The following PARP14 variants were observed in gnomAD, a reference collection of about 807,000 sequenced individuals.
PARP14 encodes the protein poly(ADP-ribose) polymerase family member 14.
In PARP14, 59 loss-of-function variants were observed where a neutral mutation model predicts 154.2. The observed-to-expected ratio is 0.38, with a 90% CI of 0.31 to 0.48. The LOEUF is 0.48. Ranked by LOEUF, PARP14 falls within the 20% of genes least tolerant of loss-of-function variation. The pLI is 0.98. For missense variants in PARP14, 1,734 were observed against 2,131.6 expected (o/e 0.81, Z 3.67); for synonymous variants, 720 against 780.5 (o/e 0.92, Z 1.29).
rs1938881420 is a variant in PARP14, at chr3:122,699,512, G to A, written c.958G>A (p.Ala320Thr). 1.2e-6 allele frequency: 2 copies of A among 1,613,846 alleles called. No individual in the cohort carries two copies. Among genetic ancestry groups the A allele is most frequent in the African/African-American group, 2.7e-5 (2 of 74,922 alleles). Reference sequence around the variant, plus strand: ...GGAGAAGCCTCTGATCAAGCTTCCAGCACCATTTGAAGAGTCACTAGATCT... The same window carrying A: ...GGAGAAGCCTCTGATCAAGCTTCCAACACCATTTGAAGAGTCACTAGATCT... ...GKEKPLIKLP[A>T]PFEESLDLPL... Residue 320 changes from alanine to threonine, a missense_variant, in exon 6 of 17, where the codon GCA becomes ACA. This residue lies in a region of PARP14 where 1,646 missense variants were observed against 1,976.0 expected (regional missense o/e 0.83). Transcript: ENST00000474629.
Position 122,700,333 on chromosome 3 carries a change from C to T in PARP14, c.1779C>T (p.Leu593=), listed in dbSNP as rs1441405890. 2.5e-6 allele frequency: 4 copies of T among 1,613,528 alleles called. No individual in the cohort carries two copies. Among genetic ancestry groups the T allele is most frequent in the East Asian group, 2.2e-5 (1 of 44,882 alleles). ...EALLEAEKQM[L]SALNYKRIEV... is the part of the protein sequence containing the mutation. Reference sequence around the variant, plus strand: ...TGTTAGAAGCAGAAAAGCAAATGCTCAGTGCCTTAAATTATAAGCGCATTG... The same window carrying T: ...TGTTAGAAGCAGAAAAGCAAATGCTTAGTGCCTTAAATTATAAGCGCATTG... Residue 593 remains leucine, a synonymous_variant, in exon 6 of 17, where the codon CTC becomes CTT. Transcript: ENST00000474629.
chr3:122,727,682 G>C lies in PARP14; in HGVS notation c.4942-130G>C, dbSNP rs1933321744. 1.2e-5 allele frequency: 6 copies of C among 511,030 alleles called. No homozygotes were observed. The South Asian group carries it at 2.5e-4, about 21-fold the overall frequency. The allele number at this position is 511,030 out of a possible 1,614,324, so 31.7% of individuals were successfully genotyped here. On this transcript the variant is annotated intron_variant, in intron 15 of 16. Transcript: ENST00000474629. ...CTAAAAAGGTTTCTGAATGCAGAAA[G>C]CTGCCGTCTGGCATTGGATTTGCTG...
Position 122,701,120 on chromosome 3 carries a change from G to A in PARP14, c.2566G>A (p.Glu856Lys). The stretch of plus-strand genomic sequence containing the variant: ...CGACTGTGACCAGATAGTGAAGAGA[G>A]AGGGCAGACTCCTACCGGGCAATGC... ...QADCDQIVKR[E>K]GRLLPGNATI... is the part of the protein sequence containing the mutation. Residue 856 changes from glutamate (E) to lysine (K), a missense_variant, in exon 6 of 17, where the codon GAG (glutamate) becomes AAG (lysine). Coordinates refer to ENST00000474629, the MANE Select transcript of PARP14 (RefSeq NM_017554.3). The surrounding 1 kb of genome is among the most constrained non-coding windows in gnomAD (Gnocchi z 4.0). 1 of 1,614,010 alleles carries A rather than the reference G, an allele frequency of 6.2e-7. No homozygotes were observed. The highest frequency in any genetic ancestry group is 1.6e-4 in the Middle Eastern group (1 of 6,062).
At chr3:122,697,234 G>T (rs986804475) in intron 5 of PARP14, among the ~76,000 whole-genome samples, 2 of 152,166 alleles carry the variant, frequency 1.3e-5, no homozygotes, top group Non-Finnish European at 2.9e-5. Flanking sequence ...GATTATAGGC[G>T]TGAGTCACTG....
Position 122,728,311 on chromosome 3 carries a change from T to C in PARP14, c.5120T>C (p.Val1707Ala). Residue 1707 changes from valine (V) to alanine (A), a missense_variant, in exon 17 of 17, where the codon GTG becomes GCG. By Grantham distance (64) the Val-to-Ala change is moderately conservative. This residue lies in a region of PARP14 where 88 missense variants were observed against 155.6 expected (regional missense o/e 0.57). Coordinates refer to ENST00000474629, the MANE Select transcript of PARP14 (RefSeq NM_017554.3). ...AAAATGGTTTTTCTTTTCACAGCTG[T>C]GGCATATGGAAAGGGAACCTATTTT... is the stretch of plus-strand genomic sequence containing the variant. ...FNRSYAGKNA[V>A]AYGKGTYFAV... 6.2e-7 allele frequency: 1 copy of C among 1,611,070 alleles called. No homozygotes were observed. The highest frequency in any genetic ancestry group is 8.5e-7 in the Non-Finnish European group (1 of 1,177,238).
chr3:122,689,014 T>C (rs1393261419), intron 3 of PARP14, among the ~76,000 whole-genome samples: 1 of 152,226 alleles, frequency 6.6e-6, no homozygotes, highest in East Asian at 1.9e-4. Context: ...ACTTGGAAGG[T>C]CCTGGAGAAG....
At chr3:122,724,795 C>CGGCCTT (rs1239972477) in intron 15 of PARP14, among the ~76,000 whole-genome samples, 2 of 152,086 alleles carry the variant, frequency 1.3e-5, no homozygotes, top group African/African-American at 4.8e-5. Context: ...GAGATCCCTG[C>CGGCCTT]GGCCTTCCGC....
At chr3:122,683,235 G>T in intron 1 of PARP14, 1 of 920,518 alleles carries the variant, frequency 1.1e-6, no homozygotes. Context: ...TACGCTTGAA[G>T]TCCCAGAAGT....
chr3:122,710,406 A>T (rs907069800), intron 9 of PARP14, among the ~76,000 whole-genome samples: 2 of 152,084 alleles, frequency 1.3e-5, no homozygotes, highest in African/African-American at 2.4e-5. Context: ...ATTCTGTTTC[A>T]TTGGTCTATG....
intron 15 of PARP14, chr3:122,721,135 A>G (rs1443622363): frequency 1.2e-5 from 4 of 326,782 alleles, no homozygotes; most frequent in Non-Finnish European, 2.4e-5. Context: ...TATTCACGCC[A>G]TTTATGCTTA....
chr3:122,707,313 G>A (rs866763082), intron 8 of PARP14, among the ~76,000 whole-genome samples: 48 of 151,304 alleles, frequency 3.2e-4, no homozygotes, highest in African/African-American at 8.8e-4. Flanking sequence ...CCTGGGAGGC[G>A]GAGTTTGCAA....
intron 3 of PARP14, among the ~76,000 whole-genome samples, chr3:122,687,799 T>C (rs1032475486): frequency 6.6e-6 from 1 of 152,236 alleles, no homozygotes; most frequent in Admixed American, 6.5e-5. Flanking sequence ...TGAACTACAC[T>C]GAATGAACCG....
intron 9 of PARP14, among the ~76,000 whole-genome samples, chr3:122,710,765 T>C (rs999732843): frequency 6.6e-6 from 1 of 151,786 alleles, no homozygotes; most frequent in Non-Finnish European, 1.5e-5. Flanking sequence ...ATCTTTCACC[T>C]CCTTGGTTAA....
At chr3:122,713,841 T>C in intron 10 of PARP14, 31 bp from the exon 11 acceptor site, 1 of 1,497,188 alleles carries the variant, frequency 6.7e-7, no homozygotes, top group Non-Finnish European at 9.3e-7. Context: ...TTTTTACTCA[T>C]GTTTGTTATC....
intron 12 of PARP14, among the ~76,000 whole-genome samples, chr3:122,715,457 G>A (rs533695857): frequency 9.2e-5 from 14 of 152,124 alleles, no homozygotes; most frequent in African/African-American, 2.6e-4. Flanking sequence ...ATAATGTTCC[G>A]AGATGGAATT....
chr3:122,696,767 G>T (rs1938791312), intron 5 of PARP14, among the ~76,000 whole-genome samples: 1 of 152,042 alleles, frequency 6.6e-6, no homozygotes, highest in African/African-American at 2.4e-5. Context: ...TTTATTTTCT[G>T]CCAGAGCTAT....
chr3:122,689,540 C>CCCAAATGACCCTCCCG (rs1293357979), intron 3 of PARP14, among the ~76,000 whole-genome samples: 15 of 152,276 alleles, frequency 9.9e-5, no homozygotes, highest in East Asian at 3.9e-4. Context: ...AACTCCTGGC[C>CCCAAATGACCCTCCCG]CCAAATGACC....
intron 9 of PARP14, among the ~76,000 whole-genome samples, chr3:122,711,452 G>A (rs1360650169): frequency 6.6e-6 from 1 of 152,146 alleles, no homozygotes; most frequent in Non-Finnish European, 1.5e-5. Flanking sequence ...TGTTCATAAT[G>A]TATTATCTTT....
rs570990276 is a variant in PARP14 at position 122,699,300 on chromosome 3, T to C, written c.836-90T>C. ...TTAAGTGTTAGAAAAACATTAGATT[T>C]TTTTTTCTCTAAAATAGGAAAATTT... On this transcript the variant is annotated intron_variant, in intron 5 of 16. Transcript: ENST00000474629. 6.9e-5 allele frequency: 47 copies of C among 682,256 alleles called. No individual in the cohort carries two copies. In the African/African-American group the frequency reaches 7.5e-4, roughly 11 times the overall value. The allele number at this position is 682,256 out of a possible 1,614,324, so 42.3% of individuals were successfully genotyped here. A position where few individuals can be genotyped will look rare whatever the true frequency, so the allele number is the denominator to read the frequency against.
Sources: allele counts gnomAD v4.1 joint callset (sites outside exome capture counted in the v4.1 genomes callset), GRCh38; gene constraint gnomAD v4.1.1; regional missense constraint gnomAD v4.1.1; non-coding constraint Gnocchi (gnomAD v3.1); transcripts MANE v1.5; gene names NCBI Gene and HGNC (gene_info 2026-07-23, HGNC 2026-07-21).